The following EYS variants were observed in gnomAD, a reference collection of about 807,000 sequenced individuals.
The protein encoded by EYS is EGF-like photoreceptor maintenance factor.
A neutral mutation model predicts 282.1 loss-of-function variants in EYS; 250 were observed. The observed-to-expected ratio is 0.89, with a 90% CI of 0.80 to 0.98. The LOEUF (loss-of-function observed/expected upper bound fraction) is 0.98. Ranked by LOEUF, EYS falls within the 50% of genes least tolerant of loss-of-function variation. EYS has a pLI of 0.00. For missense variants in EYS, 4,016 were observed against 3,709.0 expected, an observed-to-expected ratio of 1.08 and a Z score of -2.15; for synonymous variants, 1,355 against 1,282.9, an observed-to-expected ratio of 1.06 and a Z score of -1.20.
chr6:65,012,828 G>GA (rs982440566), intron 13 of EYS, among the ~76,000 whole-genome samples: 13 of 128,566 alleles, frequency 1.0e-4, no homozygotes, highest in Non-Finnish European at 1.5e-4. Context: ...AAAAAAAAAT[G>GA]AAAAAAAACT....
At chr6:63,748,981 CCTT>C (rs1179621948) in intron 41 of EYS, among the ~76,000 whole-genome samples, 5 of 152,056 alleles carry the variant, frequency 3.3e-5, no homozygotes, top group Non-Finnish European at 7.4e-5. Context: ...GTCTCAATCT[CCTT>C]CAGTTCAGCT....
intron 13 of EYS, among the ~76,000 whole-genome samples, chr6:65,041,262 G>A (rs62407175): frequency 4.9e-4 from 75 of 151,808 alleles, no homozygotes; most frequent in Non-Finnish European, 8.6e-4. Flanking sequence ...GCCATAAGTC[G>A]TGGCTCACGT....
At chr6:63,735,666 C>T (rs1037060734) in intron 41 of EYS, among the ~76,000 whole-genome samples, 5 of 152,238 alleles carry the variant, frequency 3.3e-5, no homozygotes, top group African/African-American at 1.2e-4. Flanking sequence ...CAGGAGTCAA[C>T]ATTGATACAA....
intron 22 of EYS, among the ~76,000 whole-genome samples, chr6:64,692,741 T>A (rs999801209): frequency 2.0e-5 from 3 of 152,174 alleles, no homozygotes; most frequent in African/African-American, 7.2e-5. Context: ...ATTTATTGAA[T>A]AAGGAGCCCT....
intron 12 of EYS, among the ~76,000 whole-genome samples, chr6:65,160,177 G>T (rs1365120895): frequency 6.6e-6 from 1 of 150,794 alleles, no homozygotes; most frequent in Non-Finnish European, 1.5e-5. Context: ...TGGTCTACTG[G>T]ATGTAAAATT....
At chr6:64,852,685 G>A (rs1455635899) in intron 19 of EYS, among the ~76,000 whole-genome samples, 1 of 152,082 alleles carries the variant, frequency 6.6e-6, no homozygotes, top group Non-Finnish European at 1.5e-5. Flanking sequence ...TTATAAGATT[G>A]GGTGAAGACA....
chr6:65,663,128 T>G (rs1768062124), intron 1 of EYS, among the ~76,000 whole-genome samples: 1 of 152,358 alleles, frequency 6.6e-6, no homozygotes, highest in Non-Finnish European at 1.5e-5. Flanking sequence ...ACAATGTTTC[T>G]TATGCTCTTA....
chr6:63,847,465 T>G (rs2149700854), intron 36 of EYS, among the ~76,000 whole-genome samples: 1 of 152,252 alleles, frequency 6.6e-6, no homozygotes, highest in Middle Eastern at 3.4e-3. Context: ...TCTCTCTTTT[T>G]CCAAATTAAT....
intron 26 of EYS, among the ~76,000 whole-genome samples, chr6:64,485,024 T>A (rs1776541187): frequency 6.6e-6 from 1 of 151,592 alleles, no homozygotes; most frequent in African/African-American, 2.4e-5. Flanking sequence ...GATGCTTGTG[T>A]CAGACTCAGA....
At chr6:65,356,673 A>C (rs937054389) in intron 8 of EYS, among the ~76,000 whole-genome samples, 2 of 152,048 alleles carry the variant, frequency 1.3e-5, no homozygotes, top group African/African-American at 4.8e-5. Context: ...CTTTAGATAA[A>C]ATTTGGATTT....
intron 14 of EYS, among the ~76,000 whole-genome samples, chr6:64,975,068 C>A (rs917918299): frequency 2.6e-5 from 4 of 151,458 alleles, no homozygotes; most frequent in African/African-American, 9.7e-5. Context: ...TAAAATATAC[C>A]AAGTTTCAAA....
chr6:63,933,611 C>G (rs1764963154), intron 35 of EYS, among the ~76,000 whole-genome samples: 3 of 152,148 alleles, frequency 2.0e-5, no homozygotes, highest in Admixed American at 1.3e-4. Context: ...TCCCAGAGGT[C>G]TGGGGTGGGG....
chr6:64,667,076 T>C (rs1244914946), intron 22 of EYS, among the ~76,000 whole-genome samples: 4 of 151,846 alleles, frequency 2.6e-5, no homozygotes, highest in East Asian at 1.9e-4. Flanking sequence ...AGGAGTTTCA[T>C]AGTTGATATT....
intron 33 of EYS, among the ~76,000 whole-genome samples, chr6:64,011,285 C>A (rs116421752): frequency 6.6e-6 from 1 of 151,992 alleles, no homozygotes; most frequent in Admixed American, 6.6e-5. Context: ...CATCTTGACC[C>A]GAAATCCCCC....
At chr6:65,022,640 A>G (rs770998351) in intron 13 of EYS, among the ~76,000 whole-genome samples, 15 of 151,024 alleles carry the variant, frequency 9.9e-5, no homozygotes, top group Admixed American at 1.3e-4. Context: ...GGTAATACAC[A>G]GGTAAATTTT....
At chr6:64,558,785 T>A (rs1311591315) in intron 26 of EYS, among the ~76,000 whole-genome samples, 2 of 152,160 alleles carry the variant, frequency 1.3e-5, no homozygotes, top group Non-Finnish European at 2.9e-5. Context: ...AATTTGCTGT[T>A]AGTATGTTGA....
At chr6:65,672,901 G>T (rs1053872548) in intron 1 of EYS, among the ~76,000 whole-genome samples, 7 of 152,064 alleles carry the variant, frequency 4.6e-5, no homozygotes, top group African/African-American at 1.7e-4. Flanking sequence ...CATTTTATAG[G>T]ATTTGGGTGG....
chr6:64,197,385 A>G (rs1765323411), intron 31 of EYS, among the ~76,000 whole-genome samples: 1 of 152,166 alleles, frequency 6.6e-6, no homozygotes, highest in Admixed American at 6.5e-5. Context: ...AATATGTCCT[A>G]AAATTTATCT....
rs1769676305 is a variant in EYS at position 63,762,671 on chromosome 6, G to T, written c.7899-38C>A. ...AGAAAGCCGCATGGTTTGAGCACTT[G>T]TTTAGAGATGGATACATACTATGTA... On this transcript the variant is annotated intron_variant, in intron 40 of 42. Transcript: ENST00000503581. The T allele has an allele frequency of 2.6e-6, 4 of 1,533,062 alleles. No homozygotes were observed. In the East Asian group the frequency reaches 9.8e-5, roughly 38 times the overall value. 95.0% of individuals were successfully genotyped at this position (1,533,062 alleles called of 1,614,324 possible).
Sources: allele counts gnomAD v4.1 joint callset (sites outside exome capture counted in the v4.1 genomes callset), GRCh38; gene constraint gnomAD v4.1.1; transcripts MANE v1.5; gene names NCBI Gene and HGNC (gene_info 2026-07-23, HGNC 2026-07-21).